The following PALLD variants were observed in gnomAD, a reference collection of about 807,000 sequenced individuals.
PALLD encodes the protein palladin.
Under a neutral mutation model 123.5 loss-of-function variants are expected in PALLD, and 61 were observed. That is an observed-to-expected ratio of 0.49 (90% CI 0.40 to 0.61). PALLD has a LOEUF of 0.61. Among genes scored for constraint, PALLD ranks in the 20% least tolerant of loss-of-function variants. PALLD has a pLI of 0.00. For missense variants in PALLD, 1,273 were observed against 1,377.0 expected (o/e 0.92, Z 1.20); for synonymous variants, 465 against 496.4 (o/e 0.94, Z 0.84).
rs756544732 is a variant in PALLD, at chr4:168,903,815, A to G, written c.2531A>G (p.Gln844Arg). ...CCAAAGAGTGATCACTACACCATTCAAAGAGATCTCGATGGGACCTGCTCC... is the reference window on the plus strand; with the variant it reads ...CCAAAGAGTGATCACTACACCATTCGAAGAGATCTCGATGGGACCTGCTCC... ...ISPKSDHYTI[Q>R]RDLDGTCSLH... Residue 844 changes from glutamine to arginine, a missense_variant, in exon 15 of 22, where the codon CAA (glutamine) becomes CGA (arginine). Physicochemically the swap from Gln to Arg is conservative, Grantham distance 43 (BLOSUM62 1). Coordinates refer to ENST00000505667, the MANE Select transcript of PALLD (RefSeq NM_001166108.2). 1.6e-5 allele frequency: 26 copies of G among 1,611,716 alleles called. No individual in the cohort carries two copies. The highest frequency in any genetic ancestry group is 1.3e-4 in the South Asian group (12 of 91,036).
intron 2 of PALLD, chr4:168,648,308 T>C (rs1188657661): frequency 2.0e-5 from 3 of 152,072 alleles, no homozygotes; most frequent in African/African-American, 7.2e-5. Flanking sequence ...TCATTAGAAA[T>C]AGTTGTTTTG....
At chr4:168,660,360 A>T (rs1380212879) in intron 2 of PALLD, among the ~76,000 whole-genome samples, 2 of 152,162 alleles carry the variant, frequency 1.3e-5, no homozygotes, top group African/African-American at 4.8e-5. Flanking sequence ...CTCTCCTTTA[A>T]CAACTGGACT....
chr4:168,680,736 C>T (rs1781475498), intron 3 of PALLD, among the ~76,000 whole-genome samples: 1 of 152,108 alleles, frequency 6.6e-6, no homozygotes, highest in South Asian at 2.1e-4. Flanking sequence ...AGTCTGTCAC[C>T]TAAAATCTCT....
At chr4:168,918,633 A>G (rs1197847234) in intron 17 of PALLD, among the ~76,000 whole-genome samples, 2 of 152,182 alleles carry the variant, frequency 1.3e-5, no homozygotes, top group Non-Finnish European at 2.9e-5. Context: ...ACTATAGTTA[A>G]TAACGATGTA....
chr4:168,794,154 C>A (rs552086107), intron 10 of PALLD, among the ~76,000 whole-genome samples: 5 of 152,300 alleles, frequency 3.3e-5, no homozygotes, highest in East Asian at 3.9e-4. Context: ...GTTCCCTCCC[C>A]CTGCAGGATG....
chr4:168,759,193 A>G (rs1561490254), intron 10 of PALLD, among the ~76,000 whole-genome samples: 1 of 32,470 alleles, frequency 3.1e-5, no homozygotes. Context: ...AAAAAAAAAA[A>G]AAAAAAAAAA....
chr4:168,732,650 G>C (rs554470832), intron 10 of PALLD, among the ~76,000 whole-genome samples: 1 of 152,232 alleles, frequency 6.6e-6, no homozygotes, highest in African/African-American at 2.4e-5. Context: ...AGGTAAAAAT[G>C]ACCTCAAAGT....
At chr4:168,639,752 G>A (rs1461020898) in intron 2 of PALLD, among the ~76,000 whole-genome samples, 3 of 151,976 alleles carry the variant, frequency 2.0e-5, no homozygotes. Flanking sequence ...CACCGTGTTA[G>A]CCAGGATGGT....
At chr4:168,873,602 G>A (rs888549281) in intron 10 of PALLD, among the ~76,000 whole-genome samples, 3 of 152,152 alleles carry the variant, frequency 2.0e-5, no homozygotes, top group African/African-American at 7.2e-5. Context: ...TTAAACTTGG[G>A]TTGCAGTTTC....
intron 10 of PALLD, among the ~76,000 whole-genome samples, chr4:168,830,124 T>C (rs1743982288): frequency 6.8e-6 from 1 of 147,446 alleles, no homozygotes; most frequent in African/African-American, 2.5e-5. Context: ...CCCAGCTACT[T>C]GGGAGGCTGA....
rs553544024 is a variant in PALLD at position 168,586,987 on chromosome 4, C to T, written c.908+74575C>T. On this transcript the variant is annotated intron_variant, in intron 2 of 21. Transcript: ENST00000505667. ...ACAGTCTCTTTGCAGAGCTGCGCTT[C>T]TGCTCAGAAGACATTTGTCAATGCC... Among the ~76,000 whole-genome samples, 5 of 152,284 alleles carry T rather than the reference C, an allele frequency of 3.3e-5. No homozygotes were observed. The South Asian group carries it at 1.0e-3, about 32-fold the overall frequency.
intron 15 of PALLD, among the ~76,000 whole-genome samples, chr4:168,905,325 T>G (rs1012763789): frequency 9.9e-5 from 15 of 151,272 alleles, no homozygotes; most frequent in African/African-American, 3.6e-4. Flanking sequence ...TTTTTTTTTA[T>G]TTTTAGTAGA....
chr4:168,606,672 A>C (rs992170643), intron 2 of PALLD, among the ~76,000 whole-genome samples: 1 of 151,342 alleles, frequency 6.6e-6, no homozygotes, highest in African/African-American at 2.5e-5. Context: ...TCAAAAAAAA[A>C]AAAAAAAAAA....
chr4:168,813,564 C>T (rs1360332939), intron 10 of PALLD, among the ~76,000 whole-genome samples: 1 of 152,056 alleles, frequency 6.6e-6, no homozygotes, highest in African/African-American at 2.4e-5. Context: ...CTCAAGCAAT[C>T]CCCCCACCTC....
chr4:168,802,928 G>A lies in PALLD; in HGVS notation c.1965-87994G>A, dbSNP rs556483688. ...GCTGGTCTCGAACCCCCGACCTCAG[G>A]TGATTCACCCACCTTGGCCTCCCAA... On this transcript the variant is annotated intron_variant, in intron 10 of 21. Coordinates refer to ENST00000505667, the MANE Select transcript of PALLD (RefSeq NM_001166108.2). Among the ~76,000 whole-genome samples, 4 of 152,250 alleles carry A rather than the reference G, an allele frequency of 2.6e-5. No homozygotes were observed. In the East Asian group the frequency reaches 7.7e-4, roughly 29 times the overall value.
At chr4:168,731,475 A>G (rs573992842) in intron 10 of PALLD, among the ~76,000 whole-genome samples, 1 of 152,314 alleles carries the variant, frequency 6.6e-6, no homozygotes, top group South Asian at 2.1e-4. Context: ...GACAGTACCT[A>G]CTTCACAGGA....
chr4:168,899,720 C>T (rs1756044834), intron 14 of PALLD, among the ~76,000 whole-genome samples: 1 of 152,054 alleles, frequency 6.6e-6, no homozygotes, highest in Non-Finnish European at 1.5e-5. Flanking sequence ...AGTTCGAGAC[C>T]AGCCTGGCCA....
intron 3 of PALLD, 72 bp from the exon 4 acceptor site, chr4:168,681,260 A>T: frequency 1.1e-6 from 1 of 899,030 alleles, no homozygotes; most frequent in Non-Finnish European, 1.9e-6. Flanking sequence ...TTTAAGGGAA[A>T]TATAATTCTT....
intron 2 of PALLD, among the ~76,000 whole-genome samples, chr4:168,570,995 G>A (rs1453105305): frequency 6.6e-6 from 1 of 152,128 alleles, no homozygotes; most frequent in Non-Finnish European, 1.5e-5. Context: ...GCCTGACTTG[G>A]TTTTGTAATC....
Sources: allele counts gnomAD v4.1 joint callset (sites outside exome capture counted in the v4.1 genomes callset), GRCh38; gene constraint gnomAD v4.1.1; transcripts MANE v1.5; gene names NCBI Gene and HGNC (gene_info 2026-07-23, HGNC 2026-07-21).